Variants in ATP6V1C1 observed in about 807,000 individuals in gnomAD.
ATP6V1C1 encodes ATPase H+ transporting V1 subunit C1, also known as V-type proton ATPase subunit C 1.
ATP6V1C1 carries 45 observed loss-of-function variants against 53.9 expected under a neutral mutation model. The ratio of observed to expected loss-of-function variants is 0.83; its 90% CI spans 0.66 to 1.07. ATP6V1C1 has a LOEUF of 1.07. Ranked by LOEUF, ATP6V1C1 falls within the 50% of genes least tolerant of loss-of-function variation. The pLI is 0.00. For missense variants in ATP6V1C1, 315 were observed against 440.3 expected (o/e 0.72, Z 2.55); for synonymous variants, 153 against 155.2 (o/e 0.99, Z 0.11).
At position 103,021,085 on chromosome 8, in the gene ATP6V1C1, T is replaced by C. The variant is rs1031970687; in HGVS notation, c.-180T>C. 6.5e-6 allele frequency: 1 copy of C among 152,850 alleles called. No homozygotes were observed. Among genetic ancestry groups the C allele is most frequent in the African/African-American group, 2.4e-5 (1 of 41,446 alleles). 9.5% of individuals were successfully genotyped at this position (152,850 alleles called of 1,614,324 possible). ...ACTGCTGGGCTGGCACGTGACTTGT[T>C]CTGTGTTCGCTTGGGTAGAGGAAGC... On this transcript the variant is annotated 5_prime_UTR_variant, in exon 1 of 13. Transcript: ENST00000518738.
chr8:103,047,680 G>A (rs977510863), intron 3 of ATP6V1C1, among the ~76,000 whole-genome samples: 16 of 152,148 alleles, frequency 1.1e-4, no homozygotes. Context: ...TCGGCCTGCT[G>A]CTTCCATCAG....
chr8:103,050,650 C>T (rs918206978), intron 4 of ATP6V1C1, among the ~76,000 whole-genome samples: 1 of 152,070 alleles, frequency 6.6e-6, no homozygotes, highest in South Asian at 2.1e-4. Context: ...TTTTAACAGA[C>T]AAGTTTATTT....
In ATP6V1C1 at chr8:103,033,485, G is replaced by C. The variant is rs984941656; in HGVS notation, c.-39-7313G>C. Among the ~76,000 whole-genome samples, 3 of 152,098 alleles carry C rather than the reference G, an allele frequency of 2.0e-5. No homozygotes were observed. In the East Asian group the frequency reaches 5.8e-4, roughly 29 times the overall value. The stretch of plus-strand genomic sequence containing the variant: ...TATCTTCTGAGATTCTACCATGCTG[G>C]TCTCTGTGCCAGGTACTGAGGATAA... On this transcript the variant is annotated intron_variant, in intron 1 of 12. Coordinates refer to ENST00000518738, the MANE Select transcript of ATP6V1C1 (RefSeq NM_001695.5).
At chr8:103,027,086 G>A (rs3808551) in intron 1 of ATP6V1C1, among the ~76,000 whole-genome samples, 12,468 of 152,232 alleles carry the variant, frequency 0.082, 686 homozygotes, top group Non-Finnish European at 0.11. Flanking sequence ...TTTTAACTGA[G>A]TGGATTGTGG....
chr8:103,043,796 T>C (rs1425942290), intron 3 of ATP6V1C1, among the ~76,000 whole-genome samples: 4 of 152,222 alleles, frequency 2.6e-5, no homozygotes, highest in Non-Finnish European at 5.9e-5. Context: ...TATTATTGAA[T>C]TGTAGAAGTT....
chr8:103,032,205 T>G (rs567549377), intron 1 of ATP6V1C1, among the ~76,000 whole-genome samples: 1 of 152,288 alleles, frequency 6.6e-6, no homozygotes, highest in Admixed American at 6.5e-5. Flanking sequence ...TGAATCCAGT[T>G]TTTTAAAAAC....
At chr8:103,049,456 A>G (rs1453192264) in intron 4 of ATP6V1C1, among the ~76,000 whole-genome samples, 1 of 152,228 alleles carries the variant, frequency 6.6e-6, no homozygotes, top group South Asian at 2.1e-4. Flanking sequence ...AAAATAGCCT[A>G]CTGACTTCTC....
chr8:103,065,550 CAG>C (rs1483226326), intron 11 of ATP6V1C1, among the ~76,000 whole-genome samples: 2 of 151,042 alleles, frequency 1.3e-5, no homozygotes, highest in Non-Finnish European at 3.0e-5. Context: ...GCCTGGGCAA[CAG>C]AGCGAGACTC....
In ATP6V1C1 at chr8:103,052,263, A is replaced by C. The variant is rs552244184; in HGVS notation, c.382-468A>C. On this transcript the variant is annotated intron_variant, in intron 5 of 12. Transcript: ENST00000518738. ...ATGTAGTTAGTTTAGTATTCTTCTG[A>C]GAAAAACAGCTTTTGTAACATTTAT... Among the ~76,000 whole-genome samples, 10 of 152,216 alleles carry C rather than the reference A, an allele frequency of 6.6e-5. No individual in the cohort carries two copies. In the South Asian group the frequency reaches 2.1e-3, roughly 32 times the overall value.
chr8:103,053,980 C>G lies in ATP6V1C1; in HGVS notation c.570C>G (p.Pro190=), dbSNP rs200461621. 6.3e-7 allele frequency: 1 copy of G among 1,598,638 alleles called. No individual in the cohort carries two copies. Among genetic ancestry groups the G allele is most frequent in the Admixed American group, 1.7e-5 (1 of 58,836 alleles). Residue 190 remains proline (P), a splice_region_variant and synonymous_variant, in exon 7 of 13, where the codon CCC becomes CCG. Coordinates refer to ENST00000518738, the MANE Select transcript of ATP6V1C1 (RefSeq NM_001695.5). ...TCGTCACATTACTGGTAGTAGTTCC[C>G]AAGTAAGTCTTTCTATTATAAAAGG... The part of the protein sequence containing the change: ...EYLVTLLVVV[P]KLNHNDWIKQ...
Position 103,055,857 on chromosome 8 carries a change from C to A in ATP6V1C1, c.573-11C>A. 6.2e-7 allele frequency: 1 copy of A among 1,610,032 alleles called. No homozygotes were observed. Among genetic ancestry groups the A allele is most frequent in the Non-Finnish European group, 8.5e-7 (1 of 1,177,404 alleles). Reference sequence around the variant, plus strand: ...TTTTCTTTTCCAATGTGTATTGTACCTTTTCTGCAGGTTAAACCACAACGA... The same window carrying A: ...TTTTCTTTTCCAATGTGTATTGTACATTTTCTGCAGGTTAAACCACAACGA... On this transcript the variant is annotated splice_polypyrimidine_tract_variant and intron_variant, in intron 7 of 12. Coordinates refer to ENST00000518738, the MANE Select transcript of ATP6V1C1 (RefSeq NM_001695.5).
intron 3 of ATP6V1C1, among the ~76,000 whole-genome samples, chr8:103,044,297 C>T (rs1249509104): frequency 6.6e-6 from 1 of 152,042 alleles, no homozygotes; most frequent in African/African-American, 2.4e-5. Context: ...TCTAAGACAC[C>T]ATTGTCTAAT....
intron 1 of ATP6V1C1, among the ~76,000 whole-genome samples, chr8:103,030,104 G>A (rs1310092213): frequency 3.3e-5 from 5 of 151,652 alleles, no homozygotes; most frequent in Non-Finnish European, 5.9e-5. Flanking sequence ...CAAATTAATG[G>A]CACATAAGTG....
intron 8 of ATP6V1C1, among the ~76,000 whole-genome samples, chr8:103,059,560 T>C (rs953803246): frequency 6.8e-6 from 1 of 147,364 alleles, no homozygotes; most frequent in African/African-American, 2.5e-5. Flanking sequence ...TAATCAGTTA[T>C]GTCATTTCCA....
intron 1 of ATP6V1C1, among the ~76,000 whole-genome samples, chr8:103,028,888 C>G (rs918481082): frequency 6.6e-6 from 1 of 152,170 alleles, no homozygotes; most frequent in Non-Finnish European, 1.5e-5. Flanking sequence ...TGTATGAACT[C>G]CAGGGCTCTT....
At chr8:103,032,837 T>G (rs1816822729) in intron 1 of ATP6V1C1, among the ~76,000 whole-genome samples, 1 of 152,206 alleles carries the variant, frequency 6.6e-6, no homozygotes, top group East Asian at 1.9e-4. Context: ...ACTTTTAGAA[T>G]TTTTTATCCA....
In ATP6V1C1 at chr8:103,064,727, G is replaced by A. The variant is rs1002338493; in HGVS notation, c.842G>A (p.Arg281Gln). The A allele has an allele frequency of 8.1e-6, 13 of 1,612,388 alleles. No individual in the cohort carries two copies. Among genetic ancestry groups the A allele is most frequent in the African/African-American group, 1.3e-5 (1 of 74,952 alleles). ...DKKKQFGPLV[R>Q]WLKVNFSEAF... ...TTCTTTTTATAGGGACCACTTGTAC[G>A]GTGGCTGAAAGTGAATTTTAGTGAA... The change falls in exon 11 of 13, where the codon CGG becomes CAG. Residue 281 changes from arginine (R) to glutamine (Q), a missense_variant. Coordinates refer to ENST00000518738, the MANE Select transcript of ATP6V1C1 (RefSeq NM_001695.5).
At chr8:103,027,717 C>G (rs1816723191) in intron 1 of ATP6V1C1, among the ~76,000 whole-genome samples, 1 of 149,516 alleles carries the variant, frequency 6.7e-6, no homozygotes, top group Admixed American at 6.7e-5. Flanking sequence ...TTTTTTTAAG[C>G]AGCACACTTA....
chr8:103,022,588 G>A (rs1054100143), intron 1 of ATP6V1C1, among the ~76,000 whole-genome samples: 1 of 151,962 alleles, frequency 6.6e-6, no homozygotes, highest in Admixed American at 6.6e-5. Context: ...TGTAGTAGGG[G>A]CATGTGTATT....
Sources: gnomAD v4.1 joint callset for allele counts (sites outside exome capture counted in the v4.1 genomes callset) on GRCh38, gnomAD v4.1.1 for gene constraint, MANE v1.5 for transcripts, NCBI Gene and HGNC (gene_info 2026-07-23, HGNC 2026-07-21) for gene names.